GABPB1: variants seen among roughly 807,000 people sequenced by gnomAD.
The protein encoded by GABPB1 is GA binding protein transcription factor subunit beta 1.
GABPB1 carries 15 observed loss-of-function variants against 45.9 expected under a neutral mutation model. The observed-to-expected ratio is 0.33, with a 90% CI of 0.22 to 0.50. The LOEUF (loss-of-function observed/expected upper bound fraction) is 0.50, where lower values mean the gene tolerates loss of function less well. GABPB1 is among the 20% of genes least tolerant of loss of function. The probability of loss-of-function intolerance (pLI) is 0.98; values close to 1 mark genes in which losing one functional copy is unlikely to be tolerated. For synonymous variants in GABPB1, 143 were observed against 154.4 expected (o/e 0.93, Z 0.55); for missense variants, 252 against 457.5 (o/e 0.55, Z 4.10).
At chr15:50,279,480 TA>T (rs11306361) in intron 8 of GABPB1, among the ~76,000 whole-genome samples, 78,732 of 152,080 alleles carry the variant, frequency 0.52, 22,050 homozygotes, top group Middle Eastern at 0.68. Context: ...TATCAATGAT[TA>T]AATTATATAG....
At chr15:50,345,732 G>A (rs1328453067) in intron 1 of GABPB1, among the ~76,000 whole-genome samples, 1 of 149,932 alleles carries the variant, frequency 6.7e-6, no homozygotes, top group Admixed American at 6.6e-5. Context: ...TTTTTTTTTA[G>A]ATGGAGTCTC....
At chr15:50,327,912 A>G (rs1477957686) in intron 1 of GABPB1, among the ~76,000 whole-genome samples, 2 of 152,142 alleles carry the variant, frequency 1.3e-5, no homozygotes, top group African/African-American at 4.8e-5. Flanking sequence ...GAAAAAAAAA[A>G]GATGCGCCTA....
chr15:50,301,491 A>G, intron 4 of GABPB1, 123 bp from the exon 5 acceptor site: 1 of 892,204 alleles, frequency 1.1e-6, no homozygotes, highest in Non-Finnish European at 1.7e-6. Context: ...GTACAAGTGG[A>G]AATATTTGTC....
At chr15:50,345,060 A>G (rs2048514595) in intron 1 of GABPB1, among the ~76,000 whole-genome samples, 1 of 152,178 alleles carries the variant, frequency 6.6e-6, no homozygotes, top group Non-Finnish European at 1.5e-5. Context: ...AGTCATCAGC[A>G]TATAAAACAT....
chr15:50,346,758 G>A (rs2048601510), intron 1 of GABPB1, among the ~76,000 whole-genome samples: 2 of 150,652 alleles, frequency 1.3e-5, no homozygotes, highest in Non-Finnish European at 2.9e-5. Context: ...GTAACCTCAT[G>A]TGGAAGAAAG....
chr15:50,347,400 AT>A (rs1395650783), intron 1 of GABPB1: 1 of 151,946 alleles, frequency 6.6e-6, no homozygotes, highest in African/African-American at 2.4e-5. Context: ...AATTTTTTTT[AT>A]TTTTTATTAT....
At chr15:50,285,961 T>G in intron 8 of GABPB1, 107 bp downstream of exon 8, 5 of 1,489,344 alleles carry the variant, frequency 3.4e-6, no homozygotes, top group Non-Finnish European at 4.5e-6. Flanking sequence ...CTACGCACTT[T>G]CATTCTGTAT....
In GABPB1 at chr15:50,282,560, G is replaced by GAAAA. The variant is rs552203074; in HGVS notation, c.999+3504_999+3507dup. Among the ~76,000 whole-genome samples the GAAAA allele has an allele frequency of 7.6e-4, 68 of 89,024 alleles. 9 individuals are homozygous for GAAAA. The highest frequency in any genetic ancestry group is 3.5e-3 in the South Asian group (8 of 2,298). 58.4% of individuals were successfully genotyped at this position (89,024 alleles called of 152,430 possible). On this transcript the variant is annotated intron_variant, in intron 8 of 8. Transcript: ENST00000380877. Reference sequence around the variant, plus strand: ...CAAAGTGAGACCCTGCCTTAAAAAAGAAAAAAAAAAAAAAACAGAGACGGA... The same window carrying GAAAA: ...CAAAGTGAGACCCTGCCTTAAAAAAGAAAAAAAAAAAAAAAAAAACAGAGACGGA...
At position 50,285,971 on chromosome 15, in the gene GABPB1, T is replaced by C. The variant is rs200123207; in HGVS notation, c.999+97A>G. The C allele has an allele frequency of 8.6e-6, 13 of 1,516,762 alleles. No homozygotes were observed. The East Asian group carries it at 3.1e-4, about 36-fold the overall frequency. The allele number at this position is 1,516,762 out of a possible 1,614,324, so 94.0% of individuals were successfully genotyped here. A position where few individuals can be genotyped will look rare whatever the true frequency, so the allele number is the denominator to read the frequency against. Reference sequence around the variant, plus strand: ...AAATACTACGCACTTTCATTCTGTATCAAAACAATACTGTCAGTAATAAAT... The same window carrying C: ...AAATACTACGCACTTTCATTCTGTACCAAAACAATACTGTCAGTAATAAAT... On this transcript the variant is annotated intron_variant, in intron 8 of 8. Coordinates refer to ENST00000380877, the MANE Select transcript of GABPB1 (RefSeq NM_016654.5).
At chr15:50,293,688 G>A (rs2046421324) in intron 6 of GABPB1, among the ~76,000 whole-genome samples, 1 of 152,150 alleles carries the variant, frequency 6.6e-6, no homozygotes, top group Admixed American at 6.5e-5. Context: ...TCATATGTAA[G>A]AAATTTCTAA....
intron 1 of GABPB1, among the ~76,000 whole-genome samples, chr15:50,344,016 G>A (rs368347943): frequency 5.9e-5 from 9 of 152,032 alleles, no homozygotes; most frequent in East Asian, 1.9e-4. Context: ...CCCCACAAAC[G>A]TCAGCTCCAA....
chr15:50,286,269 T>A, intron 7 of GABPB1, 86 bp from the exon 8 acceptor site: 2 of 858,158 alleles, frequency 2.3e-6, no homozygotes, highest in Non-Finnish European at 3.3e-6. Flanking sequence ...TTGATGCTAC[T>A]CATCTAAAAT....
chr15:50,302,698 A>C (rs1408962335), intron 4 of GABPB1, among the ~76,000 whole-genome samples: 1 of 151,732 alleles, frequency 6.6e-6, no homozygotes, highest in Non-Finnish European at 1.5e-5. Flanking sequence ...GAAACTTAAA[A>C]AACAGAAAGT....
At chr15:50,330,701 C>T (rs1363994430) in intron 1 of GABPB1, among the ~76,000 whole-genome samples, 1 of 152,198 alleles carries the variant, frequency 6.6e-6, no homozygotes, top group Non-Finnish European at 1.5e-5. Context: ...TTTAAAAGAT[C>T]TTTTCTCCAA....
intron 7 of GABPB1, among the ~76,000 whole-genome samples, chr15:50,288,383 G>T (rs2046235290): frequency 6.6e-6 from 1 of 152,242 alleles, no homozygotes; most frequent in African/African-American, 2.4e-5. Flanking sequence ...AAGATTATGT[G>T]TGGACACTTC....
In GABPB1 at chr15:50,309,183, TA is replaced by T. The variant is rs1213333459; in HGVS notation, c.108+507del. Reference sequence around the variant, plus strand: ...TTATTTGCCCCCAGAATTAAAGAGTTATTTTTTTTTGCCTTCCCCACAACTA... The same window carrying T: ...TTATTTGCCCCCAGAATTAAAGAGTTTTTTTTTTTGCCTTCCCCACAACTA... On this transcript the variant is annotated intron_variant, in intron 2 of 8. Coordinates refer to ENST00000380877, the MANE Select transcript of GABPB1 (RefSeq NM_016654.5). 6.6e-5 allele frequency among the ~76,000 whole-genome samples: 10 copies of T among 151,942 alleles called. 1 individual carries two copies. The highest frequency in any genetic ancestry group is 6.6e-4 in the Admixed American group (10 of 15,234).
chr15:50,347,429 A>G (rs1015607977), intron 1 of GABPB1: 1 of 152,116 alleles, frequency 6.6e-6, no homozygotes, highest in Admixed American at 6.5e-5. Context: ...AATAATAAAT[A>G]TGGAACACAT....
chr15:50,339,417 T>C (rs2048267404), intron 1 of GABPB1, among the ~76,000 whole-genome samples: 1 of 151,924 alleles, frequency 6.6e-6, no homozygotes, highest in Non-Finnish European at 1.5e-5. Flanking sequence ...GAGAATCACT[T>C]GAACCTGGGA....
At chr15:50,283,475 T>C (rs2046055410) in intron 8 of GABPB1, among the ~76,000 whole-genome samples, 1 of 152,024 alleles carries the variant, frequency 6.6e-6, no homozygotes, top group Non-Finnish European at 1.5e-5. Flanking sequence ...AACCTCTCCA[T>C]TGTTAGTTGG....
Sources: gnomAD v4.1 joint callset for allele counts (sites outside exome capture counted in the v4.1 genomes callset) on GRCh38, gnomAD v4.1.1 for gene constraint, MANE v1.5 for transcripts, NCBI Gene and HGNC (gene_info 2026-07-23, HGNC 2026-07-21) for gene names.